SLC22A9: variants seen among roughly 807,000 people sequenced by gnomAD.
The protein encoded by SLC22A9 is solute carrier family 22 member 9.
In SLC22A9, 64 loss-of-function variants were observed where a neutral mutation model predicts 50.1. The ratio of observed to expected loss-of-function variants is 1.28; its 90% CI spans 1.04 to 1.57. The LOEUF (loss-of-function observed/expected upper bound fraction) is 1.57. Among genes scored for constraint, SLC22A9 ranks in the 40% most tolerant of loss-of-function variants. The pLI is 0.00. For missense variants in SLC22A9, 757 were observed against 676.1 expected, an observed-to-expected ratio of 1.12 and a Z score of -1.33; for synonymous variants, 261 against 242.5, an observed-to-expected ratio of 1.08 and a Z score of -0.71.
intron 2 of SLC22A9, among the ~76,000 whole-genome samples, chr11:63,372,036 G>A (rs1297408973): frequency 6.6e-6 from 1 of 152,052 alleles, no homozygotes; most frequent in Non-Finnish European, 1.5e-5. Context: ...AGAGTCAGAG[G>A]GTTAATTTCC....
chr11:63,405,298 C>T (rs1244590732), intron 6 of SLC22A9, among the ~76,000 whole-genome samples: 1 of 152,068 alleles, frequency 6.6e-6, no homozygotes, highest in African/African-American at 2.4e-5. Context: ...TCAAAGTTAT[C>T]TCTGGCTTCT....
In SLC22A9 at chr11:63,373,697, G is replaced by A; in HGVS notation, c.560G>A (p.Gly187Asp). The change falls in exon 3 of 10, where the codon GGC becomes GAC. Residue 187 changes from glycine to aspartate, a missense_variant. Physicochemically the swap from Gly to Asp is moderately conservative, Grantham distance 94 (BLOSUM62 -1). Coordinates refer to ENST00000279178, the MANE Select transcript of SLC22A9 (RefSeq NM_080866.3). ...TGTTACCTCCAGGTTGCCATTGTTG[G>A]CACCTGTGCAGCCTTGGCTCCCACC... ...RWCYLQVAIV[G>D]TCAALAPTFL... 1.2e-6 allele frequency: 2 copies of A among 1,609,008 alleles called. No homozygotes were observed. Among genetic ancestry groups the A allele is most frequent in the Non-Finnish European group, 1.7e-6 (2 of 1,178,210 alleles).
chr11:63,396,799 T>C lies in SLC22A9; in HGVS notation c.1074-9698T>C, dbSNP rs139479527. On this transcript the variant is annotated intron_variant, in intron 6 of 9. Coordinates refer to ENST00000279178, the MANE Select transcript of SLC22A9 (RefSeq NM_080866.3). ...TTATCTTTAATTTCATAGATTTTCC[T>C]CAAAAGAGCCATTCTGAATTCTCTG... Among the ~76,000 whole-genome samples the C allele has an allele frequency of 1.8e-4, 28 of 152,306 alleles. No homozygotes were observed. In the East Asian group the frequency reaches 4.8e-3, roughly 26 times the overall value.
intron 6 of SLC22A9, among the ~76,000 whole-genome samples, chr11:63,401,241 T>G (rs887569644): frequency 6.6e-6 from 1 of 152,082 alleles, no homozygotes; most frequent in East Asian, 1.9e-4. Context: ...TATAATTTTA[T>G]ATTTACAAAA....
intron 6 of SLC22A9, among the ~76,000 whole-genome samples, chr11:63,382,539 A>G (rs1011636778): frequency 2.0e-5 from 3 of 152,204 alleles, no homozygotes; most frequent in Admixed American, 6.5e-5. Flanking sequence ...CAATTACAGT[A>G]TATGCTTTGG....
At chr11:63,373,170 A>T (rs2014395489) in intron 2 of SLC22A9, among the ~76,000 whole-genome samples, 1 of 145,284 alleles carries the variant, frequency 6.9e-6, no homozygotes, top group Admixed American at 7.0e-5. Flanking sequence ...ACACTTCAAC[A>T]ACTTTGATGT....
intron 6 of SLC22A9, among the ~76,000 whole-genome samples, chr11:63,394,111 C>G (rs1342505581): frequency 1.3e-5 from 2 of 152,006 alleles, no homozygotes; most frequent in Non-Finnish European, 2.9e-5. Context: ...GTATGCTTCA[C>G]GAAGTTCTCG....
chr11:63,370,325 G>C lies in SLC22A9; in HGVS notation c.269G>C (p.Arg90Pro), dbSNP rs200727459. The C allele has an allele frequency of 1.2e-6, 2 of 1,613,864 alleles. No individual in the cohort carries two copies. The highest frequency in any genetic ancestry group is 1.7e-6 in the Non-Finnish European group (2 of 1,179,900). ...DSNMRPEKCR[R>P]FVHPQWQLLH... Reference sequence around the variant, plus strand: ...AACATGAGGCCAGAGAAGTGTCGTCGCTTTGTTCATCCTCAGTGGCAGCTC... The same window carrying C: ...AACATGAGGCCAGAGAAGTGTCGTCCCTTTGTTCATCCTCAGTGGCAGCTC... Residue 90 changes from arginine (R) to proline (P), a missense_variant, in exon 1 of 10, where the codon CGC becomes CCC. Transcript: ENST00000279178.
At chr11:63,370,517 G>A in intron 1 of SLC22A9, 59 bp downstream of exon 1, 1 of 1,501,152 alleles carries the variant, frequency 6.7e-7, no homozygotes, top group African/African-American at 1.4e-5. Context: ...AATAACACAA[G>A]TAATAATCAT....
chr11:63,389,731 G>A (rs989024341), intron 6 of SLC22A9, among the ~76,000 whole-genome samples: 4 of 152,108 alleles, frequency 2.6e-5, no homozygotes, highest in African/African-American at 7.2e-5. Context: ...GGTATTTCTG[G>A]TTCCAGATCC....
chr11:63,389,329 C>T (rs1275877853), intron 6 of SLC22A9, among the ~76,000 whole-genome samples: 3 of 152,040 alleles, frequency 2.0e-5, no homozygotes, highest in African/African-American at 7.2e-5. Flanking sequence ...CTATCCCTCC[C>T]CCTTCCCCCA....
rs778341606 is a variant in SLC22A9, at chr11:63,408,190, A to T, written c.1367A>T (p.His456Leu). ...SALANTLAFA[H>L]GNEVIPTIIR... ...CTTGCCAATACCCTTGCTTTTGCCC[A>T]TGGAAATGAAGTAATTCCCACCATA... Residue 456 changes from histidine (H) to leucine (L), a missense_variant, in exon 8 of 10, where the codon CAT (histidine) becomes CTT (leucine). By Grantham distance (99) the His-to-Leu change is moderately conservative. Coordinates refer to ENST00000279178, the MANE Select transcript of SLC22A9 (RefSeq NM_080866.3). 1 of 1,613,720 alleles carries T rather than the reference A, an allele frequency of 6.2e-7. No individual in the cohort carries two copies. The highest frequency in any genetic ancestry group is 1.1e-5 in the South Asian group (1 of 91,066).
At chr11:63,403,817 AAAT>A (rs1555016426) in intron 6 of SLC22A9, among the ~76,000 whole-genome samples, 1 of 151,858 alleles carries the variant, frequency 6.6e-6, no homozygotes, top group African/African-American at 2.4e-5. Flanking sequence ...AAAAATAAAT[AAAT>A]AAATCAATCA....
Position 63,373,948 on chromosome 11 carries a change from G to A in SLC22A9, c.716G>A (p.Cys239Tyr). ...FQAMGITLGMCPSGIAFMTLA... is the reference protein window; with the variant it reads ...FQAMGITLGMYPSGIAFMTLA... Reference sequence around the variant, plus strand: ...GCCATGGGAATTACATTGGGAATGTGCCCTTCTGGTATTGCATTTATGACC... The same window carrying A: ...GCCATGGGAATTACATTGGGAATGTACCCTTCTGGTATTGCATTTATGACC... Residue 239 changes from cysteine to tyrosine, a missense_variant, in exon 4 of 10, where the codon TGC becomes TAC. By Grantham distance (194) the Cys-to-Tyr change is radical. Transcript: ENST00000279178. 2 of 1,613,640 alleles carry A rather than the reference G, an allele frequency of 1.2e-6. No individual in the cohort carries two copies. Among genetic ancestry groups the A allele is most frequent in the South Asian group, 2.2e-5 (2 of 91,068 alleles).
chr11:63,374,619 C>A (rs1192957740), intron 4 of SLC22A9, among the ~76,000 whole-genome samples: 1 of 152,058 alleles, frequency 6.6e-6, no homozygotes, highest in African/African-American at 2.4e-5. Context: ...CCTTGGATAT[C>A]CTCGCCTTAA....
chr11:63,387,991 T>TTTTGTATCCTGCAGCTTCACTGAA (rs2014698579), intron 6 of SLC22A9, among the ~76,000 whole-genome samples: 1 of 152,152 alleles, frequency 6.6e-6, no homozygotes, highest in South Asian at 2.1e-4. Context: ...TATTTGTTGA[T>TTTTGTATCCTGCAGCTTCACTGAA]TTTGTATCCT....
intron 5 of SLC22A9, among the ~76,000 whole-genome samples, chr11:63,377,588 C>T (rs1206076367): frequency 1.3e-5 from 2 of 152,078 alleles, no homozygotes; most frequent in Admixed American, 1.3e-4. Flanking sequence ...CACTAAATCC[C>T]CACATCACAA....
chr11:63,397,365 T>C (rs926264557), intron 6 of SLC22A9, among the ~76,000 whole-genome samples: 3 of 152,016 alleles, frequency 2.0e-5, no homozygotes, highest in Non-Finnish European at 4.4e-5. Context: ...CCAAGGCCCA[T>C]AGTAATCACT....
chr11:63,389,075 G>A (rs955790380), intron 6 of SLC22A9, among the ~76,000 whole-genome samples: 1 of 151,868 alleles, frequency 6.6e-6, no homozygotes, highest in East Asian at 1.9e-4. Flanking sequence ...TAGGCTAAAT[G>A]TTTGTCAGTT....
Sources: allele counts gnomAD v4.1 joint callset (sites outside exome capture counted in the v4.1 genomes callset), GRCh38; gene constraint gnomAD v4.1.1; transcripts MANE v1.5; gene names NCBI Gene and HGNC (gene_info 2026-07-23, HGNC 2026-07-21).